Variants in TAOK1 observed in about 807,000 individuals in gnomAD.
TAOK1 encodes the protein serine/threonine-protein kinase TAO1.
Under a neutral mutation model 138.3 loss-of-function variants are expected in TAOK1, and 21 were observed. The ratio of observed to expected loss-of-function variants is 0.15; its 90% CI spans 0.11 to 0.22. TAOK1 has a LOEUF of 0.22. Ranked by LOEUF, TAOK1 falls within the 10% of genes least tolerant of loss-of-function variation. TAOK1 has a pLI of 1.00. For synonymous variants in TAOK1, 361 were observed against 398.4 expected, an observed-to-expected ratio of 0.91 and a Z score of 1.12; for missense variants, 651 against 1,227.7, an observed-to-expected ratio of 0.53 and a Z score of 7.02.
chr17:29,477,678 T>C lies in TAOK1; in HGVS notation c.324T>C (p.Cys108=). 1 of 1,409,210 alleles carries C rather than the reference T, an allele frequency of 7.1e-7. No individual in the cohort carries two copies. The highest frequency in any genetic ancestry group is 9.3e-7 in the Non-Finnish European group (1 of 1,070,328). 87.3% of individuals were successfully genotyped at this position (1,409,210 alleles called of 1,614,324 possible). Residue 108 remains cysteine (C), a synonymous_variant, in exon 5 of 20, where the codon TGT becomes TGC. Coordinates refer to ENST00000261716, the MANE Select transcript of TAOK1 (RefSeq NM_020791.4). ...EHTAWLVMEY[C]LGSASDLLEV... is the part of the protein sequence containing the mutation. ...CCATGTAGCTTGTAATGGAATATTG[T>C]TTAGGATCTGCTTCGGATTTACTAG...
At chr17:29,476,450 C>G (rs995711265) in intron 4 of TAOK1, among the ~76,000 whole-genome samples, 1 of 152,182 alleles carries the variant, frequency 6.6e-6, no homozygotes, top group African/African-American at 2.4e-5. Flanking sequence ...GGTAACCTCT[C>G]TGCCTCTCAG....
intron 13 of TAOK1, among the ~76,000 whole-genome samples, chr17:29,506,187 A>G (rs999055512): frequency 2.6e-5 from 4 of 152,226 alleles, no homozygotes; most frequent in African/African-American, 9.6e-5. Context: ...AGCATTATTC[A>G]CAATAGCTAA....
intron 19 of TAOK1, among the ~76,000 whole-genome samples, chr17:29,541,492 TA>T (rs1346487916): frequency 1.3e-5 from 2 of 152,034 alleles, no homozygotes; most frequent in Admixed American, 1.3e-4. Flanking sequence ...AATGCATGTC[TA>T]AATTTCCCCT....
At position 29,534,273 on chromosome 17, in the gene TAOK1, C is replaced by A; in HGVS notation, c.2517C>A (p.Ser839=). 6.2e-7 allele frequency: 1 copy of A among 1,606,172 alleles called. No individual in the cohort carries two copies. ...TTCGCGAGCTTGAACAGAGGGTCTC[C>A]CTCCGGAGGGCACTCTTAGAACAAA... The part of the protein sequence containing the change: ...RELRELEQRV[S]LRRALLEQKI... The change falls in exon 19 of 20, where the codon TCC becomes TCA. Residue 839 remains serine (S), a synonymous_variant. Coordinates refer to ENST00000261716, the MANE Select transcript of TAOK1 (RefSeq NM_020791.4).
intron 8 of TAOK1, among the ~76,000 whole-genome samples, chr17:29,488,576 A>AAATAATAATAATAATAAT (rs150004739): frequency 2.7e-4 from 39 of 145,474 alleles, no homozygotes; most frequent in Middle Eastern, 7.3e-3. Context: ...ACATCTCAAA[A>AAATAATAATAATAATAAT]AATAATAATA....
At chr17:29,394,164 T>TTG (rs1904518791) in intron 1 of TAOK1, among the ~76,000 whole-genome samples, 1 of 123,130 alleles carries the variant, frequency 8.1e-6, no homozygotes, top group Non-Finnish European at 1.7e-5. Context: ...TTTTTTTTTT[T>TTG]TTTTTTTTTT....
rs183508376 is a variant in TAOK1 at position 29,460,554 on chromosome 17, G to A, written c.133-6591G>A. On this transcript the variant is annotated intron_variant, in intron 2 of 19. Coordinates refer to ENST00000261716, the MANE Select transcript of TAOK1 (RefSeq NM_020791.4). ...ATGCCTAGGATCAAGGGTATAGTGG[G>A]AACTAAAGATGTAATGGGAGAAAAG... 3.7e-3 allele frequency among the ~76,000 whole-genome samples: 566 copies of A among 152,290 alleles called. 1 individual carries two copies. The highest frequency in any genetic ancestry group is 6.7e-3 in the Non-Finnish European group (456 of 68,022).
intron 15 of TAOK1, 117 bp downstream of exon 15, chr17:29,511,109 TGGGTATTA>T: frequency 1.1e-6 from 1 of 885,828 alleles, no homozygotes. Context: ...GGTCACTAAA[TGGGTATTA>T]GTTTAAATGA....
At chr17:29,400,904 CTTTTTTTTTTTTTT>C (rs10539936) in intron 1 of TAOK1, among the ~76,000 whole-genome samples, 1 of 105,276 alleles carries the variant, frequency 9.5e-6, no homozygotes, top group South Asian at 3.2e-4. Context: ...TTGTTTGCCT[CTTTTTTTTTTTTTT>C]TTTTTTTTTG....
intron 1 of TAOK1, among the ~76,000 whole-genome samples, chr17:29,415,401 AC>A (rs1905245101): frequency 1.3e-5 from 2 of 152,308 alleles, no homozygotes; most frequent in South Asian, 4.1e-4. Context: ...TATGTGTTTA[AC>A]TTTTTAAGGA....
chr17:29,487,077 C>G (rs1294969469), intron 8 of TAOK1, among the ~76,000 whole-genome samples: 1 of 151,906 alleles, frequency 6.6e-6, no homozygotes, highest in African/African-American at 2.4e-5. Context: ...GGTGAAACCC[C>G]GTCTCTACTA....
In TAOK1 at chr17:29,465,837, C is replaced by CTTTTTTTTTTT. The variant is rs3058623; in HGVS notation, c.133-1291_133-1281dup. 6.4e-3 allele frequency among the ~76,000 whole-genome samples: 290 copies of CTTTTTTTTTTT among 45,416 alleles called. 95 individuals carry two copies. Among genetic ancestry groups the CTTTTTTTTTTT allele is most frequent in the East Asian group, 9.5e-3 (9 of 946 alleles). 29.8% of individuals were successfully genotyped at this position (45,416 alleles called of 152,430 possible). The stretch of plus-strand genomic sequence containing the variant: ...AAGAGTTAACTGTCAAGTTTCTGTG[C>CTTTTTTTTTTT]TTTTTTTTTTTTTTTTTTTTTTTTT... On this transcript the variant is annotated intron_variant, in intron 2 of 19. Transcript: ENST00000261716.
chr17:29,523,747 G>C (rs2031961635), intron 17 of TAOK1, among the ~76,000 whole-genome samples: 1 of 152,066 alleles, frequency 6.6e-6, no homozygotes, highest in Admixed American at 6.6e-5. Context: ...CACCTCAATT[G>C]CTCTGTACAT....
chr17:29,432,777 A>AT (rs34539915), intron 1 of TAOK1, among the ~76,000 whole-genome samples: 23,890 of 145,124 alleles, frequency 0.16, 1,985 homozygotes, highest in Admixed American at 0.21. Flanking sequence ...ACCTGTCCAA[A>AT]TTTTTTTTTT....
intron 1 of TAOK1, among the ~76,000 whole-genome samples, chr17:29,410,534 C>G (rs566077377): frequency 6.7e-6 from 1 of 148,638 alleles, no homozygotes; most frequent in African/African-American, 2.5e-5. Flanking sequence ...ATAACAGGCG[C>G]GAGCCACCAC....
chr17:29,394,150 G>GTTTTTTTTTTTTTTTTTT lies in TAOK1; in HGVS notation c.-95+3142_-95+3159dup, dbSNP rs58117433. Among the ~76,000 whole-genome samples the GTTTTTTTTTTTTTTTTTT allele has an allele frequency of 1.7e-4, 8 of 48,278 alleles. 2 individuals carry two copies. Among genetic ancestry groups the GTTTTTTTTTTTTTTTTTT allele is most frequent in the African/African-American group, 3.1e-4 (4 of 12,766 alleles). 31.7% of individuals were successfully genotyped at this position (48,278 alleles called of 152,430 possible). On this transcript the variant is annotated intron_variant, in intron 1 of 19. Coordinates refer to ENST00000261716, the MANE Select transcript of TAOK1 (RefSeq NM_020791.4). ...TATGATTTATTTTAATAATTTGCCA[G>GTTTTTTTTTTTTTTTTTT]TTTTTTTTTTTTTTTTTTTTTTTTT...
intron 2 of TAOK1, among the ~76,000 whole-genome samples, chr17:29,465,299 G>A (rs1339072146): frequency 1.3e-5 from 2 of 151,196 alleles, no homozygotes; most frequent in African/African-American, 2.4e-5. Context: ...GATTACAGAC[G>A]TGCGCCACCA....
At chr17:29,534,678 A>G (rs147261822) in intron 19 of TAOK1, among the ~76,000 whole-genome samples, 7 of 152,312 alleles carry the variant, frequency 4.6e-5, no homozygotes, top group African/African-American at 1.7e-4. Flanking sequence ...AGCTGCATTA[A>G]TTGCCTGAGA....
intron 1 of TAOK1, among the ~76,000 whole-genome samples, chr17:29,449,125 A>C (rs942795925): frequency 4.6e-5 from 7 of 152,216 alleles, no homozygotes; most frequent in Admixed American, 4.6e-4. Context: ...ACTAAAACTT[A>C]ATCATTCAAA....
Sources: allele counts gnomAD v4.1 joint callset (sites outside exome capture counted in the v4.1 genomes callset), GRCh38; gene constraint gnomAD v4.1.1; transcripts MANE v1.5; gene names NCBI Gene and HGNC (gene_info 2026-07-23, HGNC 2026-07-21).